The following GRID2 variants were observed in gnomAD, a reference collection of about 807,000 sequenced individuals.
GRID2 encodes the protein glutamate ionotropic receptor delta type subunit 2, also known as glutamate receptor ionotropic, delta-2.
In GRID2, 33 loss-of-function variants were observed where a neutral mutation model predicts 114.8. The observed-to-expected ratio is 0.29, with a 90% CI of 0.22 to 0.38. GRID2 has a LOEUF of 0.38. Among genes scored for constraint, GRID2 ranks in the 10% least tolerant of loss-of-function variants. The pLI is 1.00. For synonymous variants in GRID2, 505 were observed against 449.9 expected (o/e 1.12, Z -1.55); for missense variants, 1,184 against 1,257.7 (o/e 0.94, Z 0.89).
rs1233899455 is a variant in GRID2, at chr4:93,643,690, G to A, written c.2360+17255G>A. ...CCCGTTCTCAGATCTCCAGCTGCTT[G>A]CTGGGAGAACCACTGCTCTCTTCAA... On this transcript the variant is annotated intron_variant, in intron 14 of 15. Transcript: ENST00000282020. 6.8e-5 allele frequency among the ~76,000 whole-genome samples: 4 copies of A among 58,888 alleles called. 1 individual carries two copies. Among genetic ancestry groups the A allele is most frequent in the African/African-American group, 3.0e-4 (2 of 6,728 alleles). 38.6% of individuals were successfully genotyped at this position (58,888 alleles called of 152,430 possible).
rs566388595 is a variant in GRID2 at position 92,453,570 on chromosome 4, T to C, written c.89-136561T>C. Among the ~76,000 whole-genome samples the C allele has an allele frequency of 5.3e-5, 8 of 152,330 alleles. No individual in the cohort carries two copies. In the South Asian group the frequency reaches 1.7e-3, roughly 32 times the overall value. On this transcript the variant is annotated intron_variant, in intron 1 of 15. Transcript: ENST00000282020. ...ATATTCGTTGTGTTACTCTTATGCA[T>C]ATAAAGTTATTTGTAAAGACATGGA...
chr4:93,399,851 G>C (rs1043331468), intron 9 of GRID2, among the ~76,000 whole-genome samples: 1 of 152,006 alleles, frequency 6.6e-6, no homozygotes, highest in Non-Finnish European at 1.5e-5. Flanking sequence ...AGTCTTTCAG[G>C]ACACAGAGGA....
At chr4:93,398,115 A>T (rs920864062) in intron 9 of GRID2, among the ~76,000 whole-genome samples, 32 of 136,074 alleles carry the variant, frequency 2.4e-4, no homozygotes, top group African/African-American at 1.0e-3. Flanking sequence ...GTTGAAATAC[A>T]TACATGTATG....
chr4:92,944,075 A>G (rs560110774), intron 2 of GRID2, among the ~76,000 whole-genome samples: 15 of 152,168 alleles, frequency 9.9e-5, no homozygotes, highest in East Asian at 1.9e-4. Flanking sequence ...CAGATCTCCA[A>G]CTGCATGCTG....
intron 1 of GRID2, among the ~76,000 whole-genome samples, chr4:92,523,375 A>G (rs569140644): frequency 1.3e-5 from 2 of 152,088 alleles, no homozygotes; most frequent in East Asian, 3.9e-4. Flanking sequence ...AATTCTGGGG[A>G]CAGGTCCAAG....
intron 2 of GRID2, among the ~76,000 whole-genome samples, chr4:92,886,163 G>A (rs1229297567): frequency 6.6e-6 from 1 of 151,902 alleles, no homozygotes; most frequent in Non-Finnish European, 1.5e-5. Context: ...ACAATATTGG[G>A]GAACAGCCAG....
At chr4:92,477,021 A>G (rs1381541869) in intron 1 of GRID2, among the ~76,000 whole-genome samples, 3 of 149,938 alleles carry the variant, frequency 2.0e-5, no homozygotes, top group South Asian at 2.1e-4. Flanking sequence ...AGATGGCTAA[A>G]CTATTTGATT....
intron 8 of GRID2, among the ~76,000 whole-genome samples, chr4:93,261,121 T>C (rs995510411): frequency 1.7e-4 from 26 of 151,732 alleles, no homozygotes; most frequent in African/African-American, 6.3e-4. Context: ...TCTCCAACTT[T>C]AGTTCAACTA....
chr4:92,971,439 TG>T (rs1183380261), intron 2 of GRID2, among the ~76,000 whole-genome samples: 1 of 152,008 alleles, frequency 6.6e-6, no homozygotes, highest in Non-Finnish European at 1.5e-5. Context: ...ATGTAATAAT[TG>T]TACATACACA....
At chr4:93,398,986 C>T (rs1765624182) in intron 9 of GRID2, among the ~76,000 whole-genome samples, 1 of 151,880 alleles carries the variant, frequency 6.6e-6, no homozygotes, top group African/African-American at 2.4e-5. Flanking sequence ...GCCTTGCAAG[C>T]TTCTTCTACT....
chr4:92,638,832 AT>A (rs1731204518), intron 2 of GRID2, among the ~76,000 whole-genome samples: 1 of 151,096 alleles, frequency 6.6e-6, no homozygotes, highest in Non-Finnish European at 1.5e-5. Flanking sequence ...TCTTTGAAAT[AT>A]CTAATATCCA....
chr4:93,337,940 C>G (rs188880252), intron 8 of GRID2, among the ~76,000 whole-genome samples: 1 of 152,162 alleles, frequency 6.6e-6, no homozygotes, highest in Non-Finnish European at 1.5e-5. Flanking sequence ...TTTGCCTTCC[C>G]TAGTCCCTCT....
At chr4:92,711,815 A>G (rs1053710043) in intron 2 of GRID2, among the ~76,000 whole-genome samples, 3 of 152,156 alleles carry the variant, frequency 2.0e-5, no homozygotes, top group African/African-American at 7.2e-5. Context: ...AGGCAGGAGG[A>G]TCACTTGAAC....
chr4:93,207,281 TTGAG>T (rs76460906), intron 4 of GRID2, 119 bp from the exon 5 acceptor site: 101,199 of 746,466 alleles, frequency 0.14, 8,441 homozygotes, highest in African/African-American at 0.31. Flanking sequence ...CCATCTTCAA[TTGAG>T]TAACAAAGAC....
intron 14 of GRID2, among the ~76,000 whole-genome samples, chr4:93,656,829 C>CA (rs61508444): frequency 0.053 from 1,700 of 31,948 alleles, 259 homozygotes; most frequent in East Asian, 0.07. Context: ...GACTCTGCCT[C>CA]AAAAAAAAAA....
In GRID2 at chr4:92,939,628, G is replaced by T. The variant is rs2149532767; in HGVS notation, c.245-145367G>T. 1.4e-5 allele frequency among the ~76,000 whole-genome samples: 2 copies of T among 147,306 alleles called. 1 individual carries two copies. Among genetic ancestry groups the T allele is most frequent in the South Asian group, 4.6e-4 (2 of 4,380 alleles). On this transcript the variant is annotated intron_variant, in intron 2 of 15. Transcript: ENST00000282020. ...CCATTGCTTTTGGTGTTTTAGACAT[G>T]AAGTCCTTGCCCATGCCTATGTCCT...
At chr4:92,812,001 T>C (rs1306398025) in intron 2 of GRID2, among the ~76,000 whole-genome samples, 1 of 152,152 alleles carries the variant, frequency 6.6e-6, no homozygotes, top group African/African-American at 2.4e-5. Context: ...GCATTTTGCA[T>C]AAGTAAACTC....
chr4:92,393,909 A>G (rs1449768921), intron 1 of GRID2, among the ~76,000 whole-genome samples: 1 of 152,138 alleles, frequency 6.6e-6, no homozygotes, highest in Admixed American at 6.6e-5. Flanking sequence ...AAAAGTTGTC[A>G]CTTTGCTGGA....
At chr4:93,631,218 T>C (rs571005904) in intron 14 of GRID2, among the ~76,000 whole-genome samples, 1 of 150,978 alleles carries the variant, frequency 6.6e-6, no homozygotes, top group East Asian at 1.9e-4. Context: ...GGGATTCTCT[T>C]TTTTTTTTAT....
Sources: gnomAD v4.1 joint callset for allele counts (sites outside exome capture counted in the v4.1 genomes callset) on GRCh38, gnomAD v4.1.1 for gene constraint, MANE v1.5 for transcripts, NCBI Gene and HGNC (gene_info 2026-07-23, HGNC 2026-07-21) for gene names.